Variants in TMPRSS11E observed in about 807,000 individuals in gnomAD.
The protein encoded by TMPRSS11E is transmembrane protease serine 11E.
In TMPRSS11E, 38 loss-of-function variants were observed where a neutral mutation model predicts 48.1. The ratio of observed to expected loss-of-function variants is 0.79; its 90% CI spans 0.61 to 1.04. The LOEUF (loss-of-function observed/expected upper bound fraction) is 1.04. Ranked by LOEUF, TMPRSS11E falls within the 50% of genes least tolerant of loss-of-function variation. The probability of loss-of-function intolerance (pLI) is 0.00; values close to 1 mark genes in which losing one functional copy is unlikely to be tolerated. For missense variants in TMPRSS11E, 530 were observed against 510.8 expected (o/e 1.04, Z -0.36); for synonymous variants, 158 against 171.9 (o/e 0.92, Z 0.63).
intron 1 of TMPRSS11E, among the ~76,000 whole-genome samples, chr4:68,456,230 C>T (rs993341879): frequency 2.1e-4 from 32 of 151,844 alleles, no homozygotes; most frequent in African/African-American, 6.8e-4. Context: ...GATACTGTCA[C>T]GTAAGTTTTA....
intron 4 of TMPRSS11E, among the ~76,000 whole-genome samples, chr4:68,469,226 A>T (rs905234836): frequency 6.6e-5 from 10 of 152,074 alleles, no homozygotes; most frequent in African/African-American, 1.9e-4. Context: ...AAATACAGAT[A>T]GACCTAACAC....
intron 4 of TMPRSS11E, among the ~76,000 whole-genome samples, chr4:68,469,622 T>C (rs1362194202): frequency 6.6e-6 from 1 of 151,932 alleles, no homozygotes; most frequent in Non-Finnish European, 1.5e-5. Context: ...TTCTGTACTC[T>C]CTGGTGTTTG....
chr4:68,482,927 TG>T (rs1560557777), intron 9 of TMPRSS11E, among the ~76,000 whole-genome samples: 1 of 152,210 alleles, frequency 6.6e-6, no homozygotes, highest in Non-Finnish European at 1.5e-5. Context: ...TGATCATATC[TG>T]TCTTCTGAGC....
At chr4:68,483,959 C>A (rs2331415) in intron 9 of TMPRSS11E, among the ~76,000 whole-genome samples, 28,123 of 152,032 alleles carry the variant, frequency 0.18, 3,007 homozygotes, top group Admixed American at 0.26. Flanking sequence ...TGCAGCTTTA[C>A]TTCTGGCTTC....
At chr4:68,488,319 A>T (rs1037702095) in intron 9 of TMPRSS11E, among the ~76,000 whole-genome samples, 1 of 152,160 alleles carries the variant, frequency 6.6e-6, no homozygotes, top group Non-Finnish European at 1.5e-5. Context: ...TGGTATATTT[A>T]TATAATTCCA....
chr4:68,493,736 C>G (rs1324639930), intron 9 of TMPRSS11E, among the ~76,000 whole-genome samples: 2 of 152,288 alleles, frequency 1.3e-5, no homozygotes, highest in East Asian at 3.9e-4. Context: ...GATCTACCTG[C>G]CTCAGCTTCC....
intron 9 of TMPRSS11E, 125 bp downstream of exon 9, chr4:68,479,116 C>A: frequency 9.2e-7 from 1 of 1,082,258 alleles, no homozygotes; most frequent in East Asian, 2.4e-5. Flanking sequence ...CCAGTTTTCT[C>A]CAATGATTAC....
intron 3 of TMPRSS11E, among the ~76,000 whole-genome samples, 153 bp from the exon 4 acceptor site, chr4:68,468,726 T>C (rs1235533168): frequency 6.6e-6 from 1 of 152,052 alleles, no homozygotes; most frequent in Non-Finnish European, 1.5e-5. Flanking sequence ...AAAACCACAA[T>C]AGATTCCTCA....
intron 7 of TMPRSS11E, 54 bp downstream of exon 7, chr4:68,476,492 G>A: frequency 6.6e-7 from 1 of 1,522,530 alleles, no homozygotes; most frequent in Non-Finnish European, 8.8e-7. Context: ...ACTGGGTTTT[G>A]GCAAGAAAAT....
intron 2 of TMPRSS11E, among the ~76,000 whole-genome samples, chr4:68,465,516 T>G (rs1037344971): frequency 6.6e-6 from 1 of 152,244 alleles, no homozygotes; most frequent in African/African-American, 2.4e-5. Context: ...TATGTCCTGC[T>G]GGACTTGGGC....
intron 9 of TMPRSS11E, among the ~76,000 whole-genome samples, chr4:68,479,567 G>C (rs1041998124): frequency 6.7e-6 from 1 of 149,674 alleles, no homozygotes; most frequent in Admixed American, 6.7e-5. Context: ...GTGGAGTATA[G>C]AATAAAAAAC....
chr4:68,465,667 T>G (rs550515692), intron 2 of TMPRSS11E, among the ~76,000 whole-genome samples: 2 of 152,210 alleles, frequency 1.3e-5, no homozygotes, highest in African/African-American at 4.8e-5. Flanking sequence ...CTTCTGTGGT[T>G]TAAGTGAAGA....
chr4:68,466,834 A>G, intron 3 of TMPRSS11E, 82 bp downstream of exon 3: 1 of 1,552,636 alleles, frequency 6.4e-7, no homozygotes, highest in Non-Finnish European at 8.8e-7. Context: ...TAAAAGATCC[A>G]TTCAACTAAC....
chr4:68,458,322 T>C (rs1459705514), intron 1 of TMPRSS11E, among the ~76,000 whole-genome samples: 1 of 151,064 alleles, frequency 6.6e-6, no homozygotes, highest in Non-Finnish European at 1.5e-5. Flanking sequence ...CCTAAGCATA[T>C]TGCTTGTTTT....
chr4:68,478,142 T>A (rs2109699823), intron 8 of TMPRSS11E, among the ~76,000 whole-genome samples: 1 of 103,192 alleles, frequency 9.7e-6, no homozygotes, highest in African/African-American at 3.6e-5. Flanking sequence ...AGATTCTGTA[T>A]CACTATCTTT....
rs372601609 is a variant in TMPRSS11E at position 68,471,531 on chromosome 4, C to T, written c.398C>T (p.Thr133Ile). ...TTTCACTCTACTGAGGATCCTGAAACTGTAGATAAAATTGTTCAACTTGTT... is the reference window on the plus strand; with the variant it reads ...TTTCACTCTACTGAGGATCCTGAAATTGTAGATAAAATTGTTCAACTTGTT... ...CRFHSTEDPE[T>I]VDKIVQLVLH... Residue 133 changes from threonine to isoleucine, a missense_variant, in exon 5 of 10, where the codon ACT (threonine) becomes ATT (isoleucine). By Grantham distance (89) the Thr-to-Ile change is moderately conservative. Coordinates refer to ENST00000305363, the MANE Select transcript of TMPRSS11E (RefSeq NM_014058.4). The T allele has an allele frequency of 1.2e-6, 2 of 1,610,892 alleles. No homozygotes were observed. The highest frequency in any genetic ancestry group is 2.7e-5 in the African/African-American group (2 of 74,642).
chr4:68,489,251 T>G (rs146601929), intron 9 of TMPRSS11E, among the ~76,000 whole-genome samples: 1 of 152,220 alleles, frequency 6.6e-6, no homozygotes, highest in African/African-American at 2.4e-5. Context: ...ACTCCTGGGC[T>G]GCATGCTGTA....
chr4:68,447,933 A>AAT (rs560402015), intron 1 of TMPRSS11E, among the ~76,000 whole-genome samples: 4,101 of 152,140 alleles, frequency 0.027, 184 homozygotes, highest in African/African-American at 0.093. Context: ...TGCAGAAAAA[A>AAT]ATGTTTATTT....
At chr4:68,493,230 G>A (rs796195436) in intron 9 of TMPRSS11E, among the ~76,000 whole-genome samples, 7 of 151,854 alleles carry the variant, frequency 4.6e-5, no homozygotes, top group African/African-American at 7.2e-5. Flanking sequence ...TACGTTATCC[G>A]TACATACCCT....
Sources: gnomAD v4.1 joint callset for allele counts (sites outside exome capture counted in the v4.1 genomes callset) on GRCh38, gnomAD v4.1.1 for gene constraint, MANE v1.5 for transcripts, NCBI Gene and HGNC (gene_info 2026-07-23, HGNC 2026-07-21) for gene names.